The following TFRC variants were observed in gnomAD, a reference collection of about 807,000 sequenced individuals.
TFRC encodes the protein transferrin receptor protein 1.
TFRC carries 35 observed loss-of-function variants against 85.8 expected under a neutral mutation model. The ratio of observed to expected loss-of-function variants is 0.41; its 90% CI spans 0.31 to 0.54. The LOEUF (loss-of-function observed/expected upper bound fraction) is 0.54. TFRC is among the 20% of genes least tolerant of loss of function. The pLI, the probability that TFRC is intolerant of heterozygous loss-of-function variation, is 0.31. For missense variants in TFRC, 828 were observed against 921.5 expected, an observed-to-expected ratio of 0.90 and a Z score of 1.31; for synonymous variants, 362 against 328.6, an observed-to-expected ratio of 1.10 and a Z score of -1.10.
Position 196,065,426 on chromosome 3 carries a change from G to GGGGA in TFRC, c.1198+16_1198+17insTCCC. 2.9e-6 allele frequency: 2 copies of GGGGA among 692,130 alleles called. No homozygotes were observed. The highest frequency in any genetic ancestry group is 2.0e-6 in the Non-Finnish European group (1 of 509,650). 42.9% of individuals were successfully genotyped at this position (692,130 alleles called of 1,614,324 possible). On this transcript the variant is annotated intron_variant, in intron 10 of 18. Coordinates refer to ENST00000360110, the MANE Select transcript of TFRC (RefSeq NM_001128148.3). ...CAAAAAAAAAGCGGGGCGGGGGGGGGGGGGGGCGGTCTTTACCTGGTTCTA... is the reference window on the plus strand; with the variant it reads ...CAAAAAAAAAGCGGGGCGGGGGGGGGGGGAGGGGGGCGGTCTTTACCTGGTTCTA...
chr3:196,054,407 C>CAAAAAAAAAAAAAAAAAAAAAAAAAAAAA (rs1160849553), intron 17 of TFRC, among the ~76,000 whole-genome samples: 1 of 149,390 alleles, frequency 6.7e-6, no homozygotes, highest in Admixed American at 6.7e-5. Flanking sequence ...CTTCATCTCT[C>CAAAAAAAAAAAAAAAAAAAAAAAAAAAAA]AAAAAAAATA....
intron 2 of TFRC, among the ~76,000 whole-genome samples, chr3:196,076,134 A>C (rs1047226354): frequency 1.3e-5 from 2 of 151,864 alleles, no homozygotes; most frequent in African/African-American, 4.8e-5. Flanking sequence ...CCAGGCTGAG[A>C]CTCCATCTCA....
chr3:196,063,166 G>A, intron 11 of TFRC: 2 of 441,744 alleles, frequency 4.5e-6, no homozygotes, highest in Non-Finnish European at 8.2e-6. Flanking sequence ...AACCTACAAA[G>A]AGCAAGATAG....
At chr3:196,071,061 T>C (rs1245929176) in intron 6 of TFRC, among the ~76,000 whole-genome samples, 1 of 152,210 alleles carries the variant, frequency 6.6e-6, no homozygotes, top group East Asian at 1.9e-4. Flanking sequence ...TAGCAAATAC[T>C]ACTATGTATG....
Position 196,050,540 on chromosome 3 carries a change from C to T in TFRC, c.*1402G>A, listed in dbSNP as rs1300145696. The stretch of plus-strand genomic sequence containing the variant: ...TGGAGATCACTGTCTCCGATACAGA[C>T]ACTGTGGTAGGTAAAAACTACCTTG... On this transcript the variant is annotated 3_prime_UTR_variant, in exon 19 of 19. Transcript: ENST00000360110. 4.9e-6 allele frequency: 1 copy of T among 204,238 alleles called. No homozygotes were observed. Among genetic ancestry groups the T allele is most frequent in the Non-Finnish European group, 1.0e-5 (1 of 99,494 alleles). The allele number at this position is 204,238 out of a possible 1,614,324, so 12.7% of individuals were successfully genotyped here.
chr3:196,058,243 G>C, intron 16 of TFRC, 41 bp downstream of exon 16: 1 of 1,538,746 alleles, frequency 6.5e-7, no homozygotes, highest in Non-Finnish European at 9.0e-7. Context: ...CTTCCTTTTA[G>C]AGAGCCTCTC....
At chr3:196,053,702 G>A in intron 17 of TFRC, 144 bp from the exon 18 acceptor site, 1 of 929,632 alleles carries the variant, frequency 1.1e-6, no homozygotes, top group African/African-American at 1.7e-5. Flanking sequence ...CCTTGCACAG[G>A]GGTTCCAAGC....
chr3:196,080,745 G>A (rs192676295), intron 1 of TFRC, among the ~76,000 whole-genome samples: 15 of 149,570 alleles, frequency 1.0e-4, no homozygotes, highest in African/African-American at 3.5e-4. Flanking sequence ...ATTGAAGGAT[G>A]CTATGCTATA....
At chr3:196,055,346 G>GC in intron 16 of TFRC, 45 bp from the exon 17 acceptor site, 7 of 1,523,938 alleles carry the variant, frequency 4.6e-6, no homozygotes, top group Non-Finnish European at 6.4e-6. Context: ...AGTTCTAAGA[G>GC]CAAGAGCCTC....
At position 196,080,292 on chromosome 3, in the gene TFRC, C is replaced by T. The variant is rs572137978; in HGVS notation, c.-24+1751G>A. On this transcript the variant is annotated intron_variant, in intron 1 of 18. Coordinates refer to ENST00000360110, the MANE Select transcript of TFRC (RefSeq NM_001128148.3). ...CTAATTTTTGTATTTTTCGTAGAGA[C>T]GGGGTTTCACCATGTTGGCCAGGCT... Among the ~76,000 whole-genome samples the T allele has an allele frequency of 2.0e-5, 3 of 152,296 alleles. No homozygotes were observed. The East Asian group carries it at 5.8e-4, about 29-fold the overall frequency.
At chr3:196,066,594 G>A (rs975208555) in intron 9 of TFRC, among the ~76,000 whole-genome samples, 1 of 152,198 alleles carries the variant, frequency 6.6e-6, no homozygotes, top group East Asian at 1.9e-4. Flanking sequence ...ATGGGACGCT[G>A]GCTTCACAGG....
chr3:196,065,507 G>A lies in TFRC; in HGVS notation c.1134C>T (p.Ser378=). The change falls in exon 10 of 19, where the codon AGC becomes AGT. Residue 378 remains serine, a synonymous_variant. Coordinates refer to ENST00000360110, the MANE Select transcript of TFRC (RefSeq NM_001128148.3). ...GAATTTTTATCTCTTTCAGCACATTGCTCACAGTGAGCTTCACATTCTTGC... is the reference window on the plus strand; with the variant it reads ...GAATTTTTATCTCTTTCAGCACATTACTCACAGTGAGCTTCACATTCTTGC... ...SESKNVKLTV[S]NVLKEIKILN... The A allele has an allele frequency of 6.4e-7, 1 of 1,567,410 alleles. No homozygotes were observed. Among genetic ancestry groups the A allele is most frequent in the Non-Finnish European group, 8.7e-7 (1 of 1,153,106 alleles).
rs116921378 is a variant in TFRC at position 196,079,886 on chromosome 3, G to T, written c.-24+2157C>A. Among the ~76,000 whole-genome samples the T allele has an allele frequency of 8.1e-3, 1,237 of 152,108 alleles. 47 individuals carry two copies. The highest frequency in any genetic ancestry group is 0.052 in the Admixed American group (801 of 15,282). On this transcript the variant is annotated intron_variant, in intron 1 of 18. Coordinates refer to ENST00000360110, the MANE Select transcript of TFRC (RefSeq NM_001128148.3). ...TTGAGGTCCTCCTCATTTCTTCCAG[G>T]CTCAGCTCAAGGCTTCATCTCTATG...
chr3:196,074,321 A>G (rs1220908753), intron 3 of TFRC, 196 bp from the exon 4 acceptor site: 1 of 451,032 alleles, frequency 2.2e-6, no homozygotes, highest in African/African-American at 2.0e-5. Context: ...TATTTCAAAT[A>G]GCTACCTATT....
chr3:196,055,344 G>A (rs779948601), intron 16 of TFRC, 43 bp from the exon 17 acceptor site: 8 of 1,534,758 alleles, frequency 5.2e-6, no homozygotes, highest in Admixed American at 1.7e-5. Flanking sequence ...TGAGTTCTAA[G>A]AGCAAGAGCC....
In TFRC at chr3:196,076,322, T is replaced by C. The variant is rs557458687; in HGVS notation, c.36+742A>G. Among the ~76,000 whole-genome samples, 5 of 152,230 alleles carry C rather than the reference T, an allele frequency of 3.3e-5. No individual in the cohort carries two copies. The South Asian group carries it at 1.0e-3, about 32-fold the overall frequency. Reference sequence around the variant, plus strand: ...ATGTTTCTTAAAATTTCATTTTTTTTTTAATAGAGATGGGCTTGCTATGTT... The same window carrying C: ...ATGTTTCTTAAAATTTCATTTTTTTCTTAATAGAGATGGGCTTGCTATGTT... On this transcript the variant is annotated intron_variant, in intron 2 of 18. Coordinates refer to ENST00000360110, the MANE Select transcript of TFRC (RefSeq NM_001128148.3).
Position 196,065,435 on chromosome 3 carries a change from G to GGGGGGGGGGGGT in TFRC, c.1198+7_1198+8insACCCCCCCCCCC. The stretch of plus-strand genomic sequence containing the variant: ...AGCGGGGCGGGGGGGGGGGGGGGCG[G>GGGGGGGGGGGGT]TCTTTACCTGGTTCTACAAAGCCTT... On this transcript the variant is annotated splice_region_variant and intron_variant, in intron 10 of 18. Coordinates refer to ENST00000360110, the MANE Select transcript of TFRC (RefSeq NM_001128148.3). 2 of 655,718 alleles carry GGGGGGGGGGGGT rather than the reference G, an allele frequency of 3.1e-6. No individual in the cohort carries two copies. The highest frequency in any genetic ancestry group is 4.3e-6 in the Non-Finnish European group (2 of 463,142). 40.6% of individuals were successfully genotyped at this position (655,718 alleles called of 1,614,324 possible).
chr3:196,055,993 G>A (rs1165944660), intron 16 of TFRC, among the ~76,000 whole-genome samples: 2 of 142,498 alleles, frequency 1.4e-5, no homozygotes, highest in African/African-American at 2.7e-5. Flanking sequence ...GCCTTGAGAC[G>A]AGGCCTCTCT....
At chr3:196,066,103 T>G (rs1251281230) in intron 9 of TFRC, among the ~76,000 whole-genome samples, 1 of 143,556 alleles carries the variant, frequency 7.0e-6, no homozygotes, top group East Asian at 2.1e-4. Context: ...AAACCATTAA[T>G]TAAGCAATAT....
Sources: allele counts gnomAD v4.1 joint callset (sites outside exome capture counted in the v4.1 genomes callset), GRCh38; gene constraint gnomAD v4.1.1; transcripts MANE v1.5; gene names NCBI Gene and HGNC (gene_info 2026-07-23, HGNC 2026-07-21).